The following ATP8A2 variants were observed in gnomAD, a reference collection of about 807,000 sequenced individuals.
The protein encoded by ATP8A2 is ATPase phospholipid transporting 8A2.
Under a neutral mutation model 165.6 loss-of-function variants are expected in ATP8A2, and 100 were observed. The observed-to-expected ratio is 0.60, with a 90% CI of 0.51 to 0.71. The LOEUF is 0.71. Among genes scored for constraint, ATP8A2 ranks in the 30% least tolerant of loss-of-function variants. The probability of loss-of-function intolerance (pLI) is 0.00; values close to 1 mark genes in which losing one functional copy is unlikely to be tolerated. For synonymous variants in ATP8A2, 543 were observed against 548.8 expected (o/e 0.99, Z 0.15); for missense variants, 1,227 against 1,479.5 (o/e 0.83, Z 2.80).
intron 24 of ATP8A2, among the ~76,000 whole-genome samples, chr13:25,640,640 A>G (rs2137563936): frequency 1.3e-5 from 2 of 152,316 alleles, no homozygotes; most frequent in South Asian, 4.1e-4. Context: ...AAAGTCCAGG[A>G]GCAGATGGAT....
At chr13:25,584,284 C>T (rs1326989217) in intron 23 of ATP8A2, among the ~76,000 whole-genome samples, 8 of 152,122 alleles carry the variant, frequency 5.3e-5, no homozygotes, top group East Asian at 1.9e-4. Context: ...GGACCACAGG[C>T]GGCAGCTGTC....
At chr13:25,651,697 A>G (rs1021688230) in intron 24 of ATP8A2, among the ~76,000 whole-genome samples, 1 of 152,122 alleles carries the variant, frequency 6.6e-6, no homozygotes, top group Non-Finnish European at 1.5e-5. Context: ...GGCTTTGTCC[A>G]ACAGACATTT....
At chr13:25,730,584 T>G (rs1240636641) in intron 25 of ATP8A2, among the ~76,000 whole-genome samples, 1 of 152,206 alleles carries the variant, frequency 6.6e-6, no homozygotes, top group Non-Finnish European at 1.5e-5. Context: ...CATTGCTGAT[T>G]TCTCTTTGTG....
chr13:25,696,715 A>G (rs1027545542), intron 24 of ATP8A2, among the ~76,000 whole-genome samples: 4 of 152,212 alleles, frequency 2.6e-5, no homozygotes, highest in Non-Finnish European at 2.9e-5. Context: ...ATTTAAGGGA[A>G]TGTTGTGGTT....
intron 24 of ATP8A2, among the ~76,000 whole-genome samples, chr13:25,650,822 A>G (rs895156792): frequency 1.3e-5 from 2 of 152,196 alleles, no homozygotes; most frequent in Admixed American, 6.5e-5. Context: ...AAACCAATCT[A>G]GCTTTCCTAG....
chr13:25,494,634 G>T (rs1566183562), intron 2 of ATP8A2, among the ~76,000 whole-genome samples: 1 of 152,204 alleles, frequency 6.6e-6, no homozygotes, highest in Non-Finnish European at 1.5e-5. Flanking sequence ...CGTTGCTGTT[G>T]TTCTGATATT....
At chr13:25,669,249 C>T (rs1326516997) in intron 24 of ATP8A2, among the ~76,000 whole-genome samples, 1 of 152,118 alleles carries the variant, frequency 6.6e-6, no homozygotes, top group African/African-American at 2.4e-5. Context: ...CCAAAGGTTG[C>T]ATTCTTTACT....
intron 16 of ATP8A2, among the ~76,000 whole-genome samples, chr13:25,569,797 C>G (rs917651047): frequency 2.0e-5 from 3 of 152,082 alleles, no homozygotes; most frequent in African/African-American, 7.2e-5. Flanking sequence ...CAACAAGAAA[C>G]TACTGTAAAA....
At chr13:25,402,247 T>C (rs1029809781) in intron 1 of ATP8A2, among the ~76,000 whole-genome samples, 2 of 152,044 alleles carry the variant, frequency 1.3e-5, no homozygotes, top group Non-Finnish European at 2.9e-5. Context: ...AACTTATGAG[T>C]TGTTTATTTC....
intron 20 of ATP8A2, 101 bp downstream of exon 20, chr13:25,577,239 C>A: frequency 9.6e-7 from 1 of 1,045,922 alleles, no homozygotes; most frequent in Non-Finnish European, 1.5e-6. Context: ...GATTGTTTGT[C>A]CAGAGTTGAA....
chr13:25,907,956 A>G (rs559894921), intron 33 of ATP8A2, among the ~76,000 whole-genome samples: 42 of 152,376 alleles, frequency 2.8e-4, no homozygotes, highest in South Asian at 1.0e-3. Context: ...GGTTCTTTTC[A>G]GAGTTAAACT....
At chr13:25,758,750 C>A (rs1365483236) in intron 25 of ATP8A2, among the ~76,000 whole-genome samples, 2 of 152,188 alleles carry the variant, frequency 1.3e-5, no homozygotes. Flanking sequence ...AAGTCATTTT[C>A]ATGTTCCATT....
intron 23 of ATP8A2, among the ~76,000 whole-genome samples, chr13:25,582,479 T>C (rs2039802857): frequency 6.6e-6 from 1 of 152,258 alleles, no homozygotes; most frequent in African/African-American, 2.4e-5. Flanking sequence ...GAGCACGTTT[T>C]AAGTTTGAAA....
intron 34 of ATP8A2, among the ~76,000 whole-genome samples, chr13:25,967,146 C>T (rs1427857687): frequency 1.3e-5 from 2 of 152,166 alleles, no homozygotes; most frequent in South Asian, 2.1e-4. Context: ...ATTTTAACAT[C>T]GTTTTTGACT....
At chr13:25,749,718 A>G (rs2044113994) in intron 25 of ATP8A2, among the ~76,000 whole-genome samples, 1 of 152,170 alleles carries the variant, frequency 6.6e-6, no homozygotes. Context: ...GACAGGCAGC[A>G]GCCAACTCAT....
intron 10 of ATP8A2, among the ~76,000 whole-genome samples, chr13:25,550,280 G>C (rs1408459575): frequency 1.3e-5 from 2 of 152,154 alleles, no homozygotes; most frequent in African/African-American, 2.4e-5. Flanking sequence ...ACTCCAGCCT[G>C]GGTGAGAGAG....
intron 1 of ATP8A2, among the ~76,000 whole-genome samples, chr13:25,465,853 G>T (rs529062054): frequency 2.7e-5 from 4 of 147,680 alleles, no homozygotes; most frequent in Non-Finnish European, 5.9e-5. Context: ...CGAACTCCTG[G>T]GCTCAAGGCA....
At chr13:25,685,933 G>A (rs1025736763) in intron 24 of ATP8A2, among the ~76,000 whole-genome samples, 2 of 152,182 alleles carry the variant, frequency 1.3e-5, no homozygotes, top group African/African-American at 4.8e-5. Context: ...GTGGCCAGGT[G>A]AGATATGGTC....
At chr13:25,888,076 C>A (rs573610087) in intron 33 of ATP8A2, among the ~76,000 whole-genome samples, 1 of 135,350 alleles carries the variant, frequency 7.4e-6, no homozygotes, top group Non-Finnish European at 1.6e-5. Context: ...AGACCCCCCC[C>A]CCGCCCCACC....
Sources: allele counts gnomAD v4.1 joint callset (sites outside exome capture counted in the v4.1 genomes callset), GRCh38; gene constraint gnomAD v4.1.1; transcripts MANE v1.5; gene names NCBI Gene and HGNC (gene_info 2026-07-23, HGNC 2026-07-21).